CABIN1: variants seen among roughly 807,000 people sequenced by gnomAD.
CABIN1 encodes calcineurin binding protein 1.
CABIN1 carries 133 observed loss-of-function variants against 227.7 expected under a neutral mutation model. That is an observed-to-expected ratio of 0.58 (90% CI 0.51 to 0.67). The LOEUF is 0.67. Among genes scored for constraint, CABIN1 ranks in the 30% least tolerant of loss-of-function variants. The pLI is 0.00. For missense variants in CABIN1, 2,408 were observed against 2,852.5 expected (o/e 0.84, Z 3.55); for synonymous variants, 1,086 against 1,155.1 (o/e 0.94, Z 1.21).
At chr22:24,156,433 G>T in intron 29 of CABIN1, 1 of 224,964 alleles carries the variant, frequency 4.4e-6, no homozygotes, top group Admixed American at 5.8e-5. Flanking sequence ...CCGCACACGC[G>T]CCAGCGCATC....
intron 24 of CABIN1, among the ~76,000 whole-genome samples, chr22:24,095,166 G>A (rs1429701530): frequency 6.6e-6 from 1 of 152,232 alleles, no homozygotes; most frequent in African/African-American, 2.4e-5. Flanking sequence ...CTGGGTGAGG[G>A]GGGCCACTTA....
intron 26 of CABIN1, 49 bp downstream of exon 26, chr22:24,098,241 A>AC: frequency 7.2e-7 from 1 of 1,389,012 alleles, no homozygotes; most frequent in Middle Eastern, 2.1e-4. Flanking sequence ...CACATCAATC[A>AC]CGGGGGGGTG....
chr22:24,161,290 G>T (rs1466722722), intron 29 of CABIN1, among the ~76,000 whole-genome samples: 1 of 152,094 alleles, frequency 6.6e-6, no homozygotes. Flanking sequence ...GGCTATTGGT[G>T]TGCACCCCCA....
At chr22:24,147,918 T>G (rs578129223) in intron 29 of CABIN1, among the ~76,000 whole-genome samples, 123 of 152,176 alleles carry the variant, frequency 8.1e-4, no homozygotes, top group Non-Finnish European at 1.5e-3. Flanking sequence ...GAAAGTAGAC[T>G]GAGCAGGTGG....
At chr22:24,176,849 G>C (rs2047142343) in intron 35 of CABIN1, among the ~76,000 whole-genome samples, 1 of 152,246 alleles carries the variant, frequency 6.6e-6, no homozygotes, top group South Asian at 2.1e-4. Context: ...GGGATGGCAG[G>C]ACCTGGCGCC....
intron 5 of CABIN1, 72 bp from the exon 6 acceptor site, chr22:24,042,831 TG>T (rs1448470951): frequency 3.2e-6 from 2 of 623,126 alleles, no homozygotes; most frequent in African/African-American, 4.0e-5. Flanking sequence ...TGTGTGTGTG[TG>T]TGTGTGTGTG....
At chr22:24,042,818 C>CCGTGTGTGTG in intron 5 of CABIN1, 86 bp from the exon 6 acceptor site, 1 of 685,056 alleles carries the variant, frequency 1.5e-6, no homozygotes. Context: ...AGAGATCTGA[C>CCGTGTGTGTG]TGTGTGTGTG....
intron 8 of CABIN1, among the ~76,000 whole-genome samples, chr22:24,052,054 T>C (rs1432030709): frequency 6.6e-6 from 1 of 152,116 alleles, no homozygotes; most frequent in African/African-American, 2.4e-5. Flanking sequence ...TCTGAGTGTG[T>C]GCTCCCCAAC....
At chr22:24,159,191 G>C (rs767688527) in intron 29 of CABIN1, among the ~76,000 whole-genome samples, 1 of 152,214 alleles carries the variant, frequency 6.6e-6, no homozygotes, top group East Asian at 1.9e-4. Flanking sequence ...GAGAGATGCA[G>C]CCCTCCTGCC....
intron 28 of CABIN1, among the ~76,000 whole-genome samples, chr22:24,126,586 C>T (rs2043737378): frequency 6.6e-6 from 1 of 151,320 alleles, no homozygotes; most frequent in Non-Finnish European, 1.5e-5. Flanking sequence ...CTAGAATCTG[C>T]TGGAAGCTGG....
intron 1 of CABIN1, among the ~76,000 whole-genome samples, chr22:24,014,625 G>T (rs2035101273): frequency 6.6e-6 from 1 of 152,100 alleles, no homozygotes; most frequent in Non-Finnish European, 1.5e-5. Flanking sequence ...GTAATAGTTA[G>T]GTTCATTGTT....
intron 27 of CABIN1, among the ~76,000 whole-genome samples, chr22:24,114,089 T>G (rs888463853): frequency 3.4e-5 from 5 of 148,542 alleles, no homozygotes; most frequent in Admixed American, 6.7e-5. Context: ...GTTGTTGTTG[T>G]TGGTAAATGG....
Position 24,119,383 on chromosome 22 carries a change from A to G in CABIN1, c.4317A>G (p.Ser1439=). The G allele has an allele frequency of 6.2e-7, 1 of 1,613,574 alleles. No homozygotes were observed. Among genetic ancestry groups the G allele is most frequent in the East Asian group, 2.2e-5 (1 of 44,882 alleles). ...CAACTGTAGGAAAAAACGAGGAGTC[A>G]TTGGAGAGTACAGAAGGCTTCCGGG... ...ATEERGKNEE[S]LESTEGFRAA... The change falls in exon 28 of 37, where the codon TCA becomes TCG. Residue 1439 remains serine (S), a synonymous_variant. Coordinates refer to ENST00000263119, the MANE Select transcript of CABIN1 (RefSeq NM_012295.4).
chr22:24,092,701 T>C (rs1013799246), intron 24 of CABIN1, among the ~76,000 whole-genome samples: 76 of 151,096 alleles, frequency 5.0e-4, no homozygotes, highest in Non-Finnish European at 1.0e-3. Flanking sequence ...TGTGTGTGTG[T>C]GTGTGTGTGT....
At chr22:24,017,163 A>G (rs1423225383) in intron 1 of CABIN1, among the ~76,000 whole-genome samples, 1 of 150,708 alleles carries the variant, frequency 6.6e-6, no homozygotes, top group Non-Finnish European at 1.5e-5. Flanking sequence ...CAGCCTCCCG[A>G]GTAGCTGGGA....
intron 28 of CABIN1, among the ~76,000 whole-genome samples, chr22:24,129,202 T>C (rs538663049): frequency 2.6e-5 from 4 of 152,286 alleles, no homozygotes; most frequent in South Asian, 4.1e-4. Context: ...GCAGGGCCCA[T>C]GGAAGGCTAC....
chr22:24,066,845 G>A lies in CABIN1; in HGVS notation c.2038-142G>A, dbSNP rs190369095. The A allele has an allele frequency of 9.4e-5, 70 of 740,822 alleles. No individual in the cohort carries two copies. The African/African-American group carries it at 1.2e-3, about 12-fold the overall frequency. The allele number at this position is 740,822 out of a possible 1,614,324, so 45.9% of individuals were successfully genotyped here. The stretch of plus-strand genomic sequence containing the variant: ...AGTGTAAACACTGATGTATGAAGGA[G>A]GAATCTAATTTTTTTTGGGCTGGAA... On this transcript the variant is annotated intron_variant, in intron 15 of 36. Transcript: ENST00000263119.
chr22:24,153,080 C>G (rs1293524910), intron 29 of CABIN1, among the ~76,000 whole-genome samples: 5 of 152,234 alleles, frequency 3.3e-5, no homozygotes, highest in African/African-American at 4.8e-5. Context: ...CAGCCTAGCT[C>G]TGGGATCTGG....
Position 24,067,092 on chromosome 22 carries a change from A to C in CABIN1, c.2143A>C (p.Thr715Pro), listed in dbSNP as rs2039736218. The change falls in exon 16 of 37, where the codon ACT becomes CCT. Residue 715 changes from threonine to proline, a missense_variant. Physicochemically the swap from Thr to Pro is conservative, Grantham distance 38. Transcript: ENST00000263119. ...YKAVVHLLRP[T>P]LCTSGFDRAK... ...GGCTGTTGTGCATCTGCTCCGCCCC[A>C]CTTTGTGCACCAGTGGGTTTGACCG... 2.5e-6 allele frequency: 4 copies of C among 1,614,160 alleles called. No individual in the cohort carries two copies. The highest frequency in any genetic ancestry group is 3.4e-6 in the Non-Finnish European group (4 of 1,180,022).
Sources: gnomAD v4.1 joint callset for allele counts (sites outside exome capture counted in the v4.1 genomes callset) on GRCh38, gnomAD v4.1.1 for gene constraint, MANE v1.5 for transcripts, NCBI Gene and HGNC (gene_info 2026-07-23, HGNC 2026-07-21) for gene names.